MAML3: variants seen among roughly 807,000 people sequenced by gnomAD.
MAML3 encodes mastermind-like protein 3.
MAML3 carries 27 observed loss-of-function variants against 101.9 expected under a neutral mutation model. The ratio of observed to expected loss-of-function variants is 0.27; its 90% CI spans 0.20 to 0.37. The LOEUF (loss-of-function observed/expected upper bound fraction) is 0.37. Ranked by LOEUF, MAML3 falls within the 10% of genes least tolerant of loss-of-function variation. MAML3 has a pLI of 1.00. For missense variants in MAML3, 1,316 were observed against 1,444.9 expected (o/e 0.91, Z 1.45); for synonymous variants, 501 against 555.9 (o/e 0.90, Z 1.39).
intron 2 of MAML3, among the ~76,000 whole-genome samples, chr4:139,783,104 T>C (rs1342965681): frequency 6.6e-6 from 1 of 152,162 alleles, no homozygotes; most frequent in Non-Finnish European, 1.5e-5. Flanking sequence ...AAAAAGGACA[T>C]ACAGCCTCGC....
At chr4:139,770,235 G>T (rs542521646) in intron 2 of MAML3, among the ~76,000 whole-genome samples, 4 of 152,166 alleles carry the variant, frequency 2.6e-5, no homozygotes, top group Non-Finnish European at 4.4e-5. Flanking sequence ...CCCAGCCAAG[G>T]CTCCTTGTCT....
chr4:139,809,705 G>T (rs1022664035), intron 2 of MAML3, among the ~76,000 whole-genome samples: 1 of 152,138 alleles, frequency 6.6e-6, no homozygotes, highest in Non-Finnish European at 1.5e-5. Flanking sequence ...ACAGAGCATT[G>T]TTGTTTTCAT....
At chr4:140,085,231 G>A (rs1169832771) in intron 1 of MAML3, among the ~76,000 whole-genome samples, 2 of 152,148 alleles carry the variant, frequency 1.3e-5, no homozygotes, top group African/African-American at 4.8e-5. Context: ...TTCTTCCCAA[G>A]CTCTTAACAA....
intron 2 of MAML3, among the ~76,000 whole-genome samples, chr4:139,783,852 T>C (rs1165822955): frequency 6.6e-6 from 1 of 152,194 alleles, no homozygotes; most frequent in Non-Finnish European, 1.5e-5. Flanking sequence ...CTTCAAGTTA[T>C]GTTGTGTGAC....
intron 1 of MAML3, among the ~76,000 whole-genome samples, chr4:140,089,195 A>G (rs1355112944): frequency 1.3e-5 from 2 of 152,266 alleles, no homozygotes; most frequent in Non-Finnish European, 2.9e-5. Flanking sequence ...TGTGTTACCA[A>G]GACACTAATC....
chr4:139,885,060 C>T (rs926050629), intron 2 of MAML3, among the ~76,000 whole-genome samples: 3 of 152,158 alleles, frequency 2.0e-5, no homozygotes, highest in Non-Finnish European at 4.4e-5. Context: ...GTGTATATTT[C>T]AAATAGTTAC....
intron 1 of MAML3, among the ~76,000 whole-genome samples, chr4:140,042,046 C>T (rs1266560610): frequency 3.9e-5 from 6 of 152,080 alleles, no homozygotes; most frequent in South Asian, 2.1e-4. Flanking sequence ...CTGTGAAGTA[C>T]GAAGTATTAT....
chr4:140,026,307 T>A (rs1042342005), intron 1 of MAML3, among the ~76,000 whole-genome samples: 3 of 152,124 alleles, frequency 2.0e-5, no homozygotes, highest in African/African-American at 7.2e-5. Context: ...CAGGCTGGAG[T>A]GCAGTGGCGT....
At chr4:139,759,260 CA>C (rs1258300925) in intron 2 of MAML3, among the ~76,000 whole-genome samples, 1 of 152,206 alleles carries the variant, frequency 6.6e-6, no homozygotes, top group Non-Finnish European at 1.5e-5. Flanking sequence ...GTTACTCCCC[CA>C]GGGAAATAAC....
intron 2 of MAML3, among the ~76,000 whole-genome samples, chr4:139,884,013 C>G (rs1732276042): frequency 6.6e-6 from 1 of 150,890 alleles, no homozygotes; most frequent in South Asian, 2.1e-4. Flanking sequence ...TCCCAATTAG[C>G]TGGGATTACA....
intron 1 of MAML3, among the ~76,000 whole-genome samples, chr4:140,043,114 G>C (rs1467579358): frequency 1.3e-5 from 2 of 152,124 alleles, no homozygotes; most frequent in African/African-American, 4.8e-5. Flanking sequence ...ATGCCCTATA[G>C]CACTAAGGAC....
At position 139,907,977 on chromosome 4, in the gene MAML3, C is replaced by T. The variant is rs548165113; in HGVS notation, c.469-17010G>A. ...CTGGGTGTCCACATTGCATGTATTA[C>T]CTAGAATAAGCAGATGGATGGTGGA... On this transcript the variant is annotated intron_variant, in intron 1 of 4. Transcript: ENST00000509479. 2.3e-3 allele frequency among the ~76,000 whole-genome samples: 357 copies of T among 152,242 alleles called. 1 individual carries two copies. The highest frequency in any genetic ancestry group is 6.1e-3 in the Admixed American group (93 of 15,288).
intron 4 of MAML3, among the ~76,000 whole-genome samples, chr4:139,723,519 T>G (rs2110966000): frequency 6.6e-6 from 1 of 151,964 alleles, no homozygotes; most frequent in Admixed American, 6.6e-5. Flanking sequence ...TCCATGTTGG[T>G]CAGGCTGGTC....
At position 140,077,757 on chromosome 4, in the gene MAML3, C is replaced by T. The variant is rs1410431090; in HGVS notation, c.468+75103G>A. Among the ~76,000 whole-genome samples, 16 of 152,250 alleles carry T rather than the reference C, an allele frequency of 1.1e-4. No individual in the cohort carries two copies. In the East Asian group the frequency reaches 2.1e-3, roughly 20 times the overall value. On this transcript the variant is annotated intron_variant, in intron 1 of 4. Coordinates refer to ENST00000509479, the MANE Select transcript of MAML3 (RefSeq NM_018717.5). ...GAGAGGGGCCGGGTATGGTGGCTCA[C>T]GCCTGTAATCCCAGCACTTTGGAAG...
intron 3 of MAML3, among the ~76,000 whole-genome samples, chr4:139,727,523 T>C (rs1728524199): frequency 6.6e-6 from 1 of 152,364 alleles, no homozygotes; most frequent in African/African-American, 2.4e-5. Context: ...TGTCTCTCTC[T>C]AGCTCTGTGA....
intron 1 of MAML3, among the ~76,000 whole-genome samples, chr4:140,063,794 T>TAAA (rs35213696): frequency 2.7e-5 from 4 of 148,884 alleles, no homozygotes; most frequent in African/African-American, 9.9e-5. Context: ...TTGCTTGCTT[T>TAAA]AAAAAAAAAA....
intron 2 of MAML3, among the ~76,000 whole-genome samples, chr4:139,754,503 T>C: frequency 6.6e-6 from 1 of 152,240 alleles, no homozygotes; most frequent in Non-Finnish European, 1.5e-5. Flanking sequence ...TGCCTATTGT[T>C]GGACATTTAA....
intron 2 of MAML3, among the ~76,000 whole-genome samples, chr4:139,826,062 C>T (rs961593057): frequency 3.3e-5 from 5 of 152,092 alleles, no homozygotes; most frequent in African/African-American, 1.2e-4. Context: ...GATCTTCTGG[C>T]TAAGCTGGGC....
intron 2 of MAML3, among the ~76,000 whole-genome samples, chr4:139,839,286 T>G (rs1731318476): frequency 6.6e-6 from 1 of 152,128 alleles, no homozygotes; most frequent in South Asian, 2.1e-4. Context: ...CTGTCCACCA[T>G]GACATAAATC....
Sources: gnomAD v4.1 joint callset for allele counts (sites outside exome capture counted in the v4.1 genomes callset) on GRCh38, gnomAD v4.1.1 for gene constraint, MANE v1.5 for transcripts, NCBI Gene and HGNC (gene_info 2026-07-23, HGNC 2026-07-21) for gene names.